The following MOBP variants were observed in gnomAD, a reference collection of about 807,000 sequenced individuals.
MOBP encodes the protein myelin associated oligodendrocyte basic protein.
A neutral mutation model predicts 15.0 loss-of-function variants in MOBP; 5 were observed. That is an observed-to-expected ratio of 0.33 (90% CI 0.17 to 0.70). The LOEUF is 0.70. Among genes scored for constraint, MOBP ranks in the 30% least tolerant of loss-of-function variants. The probability of loss-of-function intolerance (pLI) is 0.67; values close to 1 mark genes in which losing one functional copy is unlikely to be tolerated. For synonymous variants in MOBP, 88 were observed against 99.0 expected (o/e 0.89, Z 0.66); for missense variants, 188 against 257.8 (o/e 0.73, Z 1.85).
rs771537347 is a variant in MOBP, at chr3:39,480,076, G to A, written c.-52G>A. On this transcript the variant is annotated 5_prime_UTR_variant, in exon 2 of 4. Transcript: ENST00000684792. Reference sequence around the variant, plus strand: ...AAAGAAGCAAATGATACCAAGACAAGCTCATAACAGAGATCCAATCAGCAG... The same window carrying A: ...AAAGAAGCAAATGATACCAAGACAAACTCATAACAGAGATCCAATCAGCAG... The A allele has an allele frequency of 1.3e-5, 2 of 151,258 alleles. No individual in the cohort carries two copies. Among genetic ancestry groups the A allele is most frequent in the Non-Finnish European group, 2.9e-5 (2 of 67,864 alleles). 9.4% of individuals were successfully genotyped at this position (151,258 alleles called of 1,614,324 possible). A position where few individuals can be genotyped will look rare whatever the true frequency, so the allele number is the denominator to read the frequency against.
Position 39,498,325 on chromosome 3 carries a change from A to AATT in MOBP, c.-4-3741_-4-3740insATT, listed in dbSNP as rs562564319. On this transcript the variant is annotated intron_variant, in intron 2 of 3. Transcript: ENST00000684792. ...CACCTGGGAAAAGAGTTAGGAGGGC[A>AATT]GTTTTTTGTTGTTGTTGTTTTTGTT... Among the ~76,000 whole-genome samples the AATT allele has an allele frequency of 2.2e-4, 28 of 127,156 alleles. No homozygotes were observed. In the South Asian group the frequency reaches 4.1e-3, roughly 19 times the overall value. The allele number at this position is 127,156 out of a possible 152,430, so 83.4% of individuals were successfully genotyped here.
chr3:39,474,784 A>G (rs573649712), intron 1 of MOBP, among the ~76,000 whole-genome samples: 1 of 152,336 alleles, frequency 6.6e-6, no homozygotes, highest in African/African-American at 2.4e-5. Flanking sequence ...AAAATAAAAT[A>G]AAACAAGTAA....
rs773931098 is a variant in MOBP at position 39,502,298 on chromosome 3, G to T, written c.206+23G>T. 6.2e-7 allele frequency: 1 copy of T among 1,613,238 alleles called. No individual in the cohort carries two copies. The highest frequency in any genetic ancestry group is 1.1e-5 in the South Asian group (1 of 90,988). On this transcript the variant is annotated intron_variant, in intron 3 of 3. Transcript: ENST00000684792. This position sits in a 1 kb window ranked among gnomAD's most constrained non-coding sequence, Gnocchi z 6.3. ...CAGGTAAGCGGCCGCCCAGCCCCGC[G>T]GCACCAGTTGGGCACAGCGCGTGGT...
At chr3:39,485,778 G>A (rs1422562796) in intron 2 of MOBP, among the ~76,000 whole-genome samples, 2 of 152,074 alleles carry the variant, frequency 1.3e-5, no homozygotes, top group Non-Finnish European at 2.9e-5. Flanking sequence ...CCTACCTGAC[G>A]TCATTTCCCC....
chr3:39,515,354 T>C (rs816494), exon 5 of MOBP: 39,500 of 152,076 alleles, frequency 0.26, 5,891 homozygotes, highest in African/African-American at 0.41. Flanking sequence ...GGCCCAAACT[T>C]AGCTACATTG....
chr3:39,480,356 GCCA>G (rs1441268366), intron 2 of MOBP, among the ~76,000 whole-genome samples: 1 of 152,118 alleles, frequency 6.6e-6, no homozygotes, highest in African/African-American at 2.4e-5. Flanking sequence ...TATGACCCAA[GCCA>G]CCGAGTGTCT....
chr3:39,522,917 G>A (rs2043287531), intron 3 of MOBP, among the ~76,000 whole-genome samples: 1 of 152,230 alleles, frequency 6.6e-6, no homozygotes, highest in Non-Finnish European at 1.5e-5. Context: ...TGCAGCCAGA[G>A]ACCCTGTGCT....
At chr3:39,513,350 T>C (rs1344675103) in intron 4 of MOBP, 3 of 1,601,380 alleles carry the variant, frequency 1.9e-6, no homozygotes, top group South Asian at 2.2e-5. Context: ...CCTACCTATG[T>C]CATGTGTTTT....
chr3:39,502,155 C>G lies in MOBP; in HGVS notation c.86C>G (p.Pro29Arg), dbSNP rs776935928. ...SEHFSIHCCP[P>R]FTFLNSKKEI... ...CACTTCAGCATACACTGCTGCCCGC[C>G]GTTCACCTTCCTCAATTCCAAGAAG... The change falls in exon 3 of 4, where the codon CCG (proline) becomes CGG (arginine). Residue 29 changes from proline to arginine, a missense_variant. By Grantham distance (103) the Pro-to-Arg change is moderately radical. This residue lies in a region of MOBP where 133 missense variants were observed against 212.5 expected (regional missense o/e 0.63). Coordinates refer to ENST00000684792, the MANE Select transcript of MOBP (RefSeq NM_001393704.1). This position sits in a 1 kb window ranked among gnomAD's most constrained non-coding sequence, Gnocchi z 6.3. 1.9e-6 allele frequency: 3 copies of G among 1,614,258 alleles called. No individual in the cohort carries two copies. The highest frequency in any genetic ancestry group is 1.7e-6 in the Non-Finnish European group (2 of 1,180,048).
At chr3:39,513,472 G>A (rs752685514) in exon 5 of MOBP, 2 of 1,564,452 alleles carry the variant, frequency 1.3e-6, no homozygotes, top group Non-Finnish European at 1.8e-6. Context: ...TGGACTCATT[G>A]CTTCACAACC....
chr3:39,502,951 T>G lies in MOBP; in HGVS notation c.*71T>G. The G allele has an allele frequency of 1.4e-6, 1 of 716,316 alleles. No individual in the cohort carries two copies. Among genetic ancestry groups the G allele is most frequent in the African/African-American group, 1.8e-5 (1 of 56,082 alleles). The allele number at this position is 716,316 out of a possible 1,614,324, so 44.4% of individuals were successfully genotyped here. A position where few individuals can be genotyped will look rare whatever the true frequency, so the allele number is the denominator to read the frequency against. ...CTTCCTGTGTTTACTAACACCGGGC[T>G]GTCTCCATGGCCCTCTTCAGCCTTA... On this transcript the variant is annotated 3_prime_UTR_variant, in exon 4 of 4. Transcript: ENST00000684792. The surrounding 1 kb of genome is among the most constrained non-coding windows in gnomAD (Gnocchi z 6.3).
At chr3:39,521,311 G>A (rs1261913280) in intron 3 of MOBP, among the ~76,000 whole-genome samples, 1 of 152,162 alleles carries the variant, frequency 6.6e-6, no homozygotes, top group Non-Finnish European at 1.5e-5. Context: ...TTAGAACAAT[G>A]TTATATAGTG....
intron 1 of MOBP, among the ~76,000 whole-genome samples, chr3:39,469,100 A>ATG (rs761443550): frequency 4.0e-5 from 2 of 49,572 alleles, no homozygotes; most frequent in Non-Finnish European, 6.8e-5. Context: ...ATATATACAT[A>ATG]TGTGTGTGTA....
At position 39,502,950 on chromosome 3, in the gene MOBP, C is replaced by G; in HGVS notation, c.*70C>G. 1.4e-6 allele frequency: 1 copy of G among 723,188 alleles called. No individual in the cohort carries two copies. Among genetic ancestry groups the G allele is most frequent in the Non-Finnish European group, 2.2e-6 (1 of 446,874 alleles). The allele number at this position is 723,188 out of a possible 1,614,324, so 44.8% of individuals were successfully genotyped here. On this transcript the variant is annotated 3_prime_UTR_variant, in exon 4 of 4. Transcript: ENST00000684792. The surrounding 1 kb of genome is among the most constrained non-coding windows in gnomAD (Gnocchi z 6.3). The stretch of plus-strand genomic sequence containing the variant: ...GCTTCCTGTGTTTACTAACACCGGG[C>G]TGTCTCCATGGCCCTCTTCAGCCTT...
downstream of MOBP, chr3:39,529,405 A>G (rs1394796393): frequency 6.6e-6 from 1 of 152,256 alleles, no homozygotes; most frequent in East Asian, 1.9e-4. Context: ...GCAAAAATCA[A>G]GTGGAAAAAC....
chr3:39,490,644 C>A (rs2042781259), intron 2 of MOBP, among the ~76,000 whole-genome samples: 1 of 152,134 alleles, frequency 6.6e-6, no homozygotes. Context: ...CTCACTGCAA[C>A]CTTCACCTCC....
rs116795978 is a variant in MOBP at position 39,474,457 on chromosome 3, C to T, written c.-88-5583C>T. Among the ~76,000 whole-genome samples the T allele has an allele frequency of 8.0e-3, 1,221 of 152,268 alleles. 19 individuals are homozygous for T. Among genetic ancestry groups the T allele is most frequent in the African/African-American group, 0.027 (1,140 of 41,548 alleles). ...CTTACACAAACCTAGATGGTACAGG[C>T]TACTTAATACAACGGTAAATATTTG... On this transcript the variant is annotated intron_variant, in intron 1 of 3. Transcript: ENST00000684792.
chr3:39,510,434 G>C (rs2043104691), intron 4 of MOBP, among the ~76,000 whole-genome samples: 1 of 152,090 alleles, frequency 6.6e-6, no homozygotes, highest in Non-Finnish European at 1.5e-5. Flanking sequence ...TAACAATACT[G>C]AGTCTGATAA....
At chr3:39,470,879 A>G (rs533581006) in intron 1 of MOBP, among the ~76,000 whole-genome samples, 1 of 152,338 alleles carries the variant, frequency 6.6e-6, no homozygotes, top group South Asian at 2.1e-4. Context: ...TTATGAAAGA[A>G]TAAGTTCAGC....
Sources: gnomAD v4.1 joint callset for allele counts (sites outside exome capture counted in the v4.1 genomes callset) on GRCh38, gnomAD v4.1.1 for gene constraint, gnomAD v4.1.1 regional missense constraint, Gnocchi (gnomAD v3.1) non-coding constraint, MANE v1.5 for transcripts, NCBI Gene and HGNC (gene_info 2026-07-23, HGNC 2026-07-21) for gene names.